The following ADGRG7 variants were observed in gnomAD, a reference collection of about 807,000 sequenced individuals.
ADGRG7 encodes adhesion G protein-coupled receptor G7.
In ADGRG7, 82 loss-of-function variants were observed where a neutral mutation model predicts 88.6. The observed-to-expected ratio is 0.93, with a 90% CI of 0.77 to 1.11. The LOEUF (loss-of-function observed/expected upper bound fraction) is 1.11, where lower values mean the gene tolerates loss of function less well. Ranked by LOEUF, ADGRG7 falls within the 50% of genes most tolerant of loss-of-function variation. The pLI is 0.00. For missense variants in ADGRG7, 945 were observed against 953.4 expected (o/e 0.99, Z 0.12); for synonymous variants, 381 against 345.2 (o/e 1.10, Z -1.15).
At chr3:100,670,857 C>T (rs1281934562) in intron 15 of ADGRG7, among the ~76,000 whole-genome samples, 1 of 152,110 alleles carries the variant, frequency 6.6e-6, no homozygotes, top group African/African-American at 2.4e-5. Flanking sequence ...TGATGGTTTC[C>T]AGTTTCATCC....
At chr3:100,688,458 G>A (rs2094987121) in intron 15 of ADGRG7, among the ~76,000 whole-genome samples, 1 of 151,944 alleles carries the variant, frequency 6.6e-6, no homozygotes, top group Non-Finnish European at 1.5e-5. Context: ...AGTTCTTTTA[G>A]TTGTGATGTT....
intron 1 of ADGRG7, among the ~76,000 whole-genome samples, chr3:100,615,650 G>A (rs1236471606): frequency 6.6e-6 from 1 of 152,206 alleles, no homozygotes; most frequent in Non-Finnish European, 1.5e-5. Context: ...AAGACAGAAG[G>A]AGTAGACATG....
intron 13 of ADGRG7, 146 bp downstream of exon 13, chr3:100,656,141 C>T (rs1339427467): frequency 2.0e-5 from 10 of 500,490 alleles, no homozygotes; most frequent in Admixed American, 6.0e-5. Context: ...TCAAAGAACA[C>T]GTTATATTTT....
At chr3:100,665,674 G>A (rs2094950870) in intron 14 of ADGRG7, among the ~76,000 whole-genome samples, 3 of 152,218 alleles carry the variant, frequency 2.0e-5, no homozygotes, top group East Asian at 1.9e-4. Flanking sequence ...CATAAGTGGT[G>A]AGAGTGGAAG....
chr3:100,634,430 A>T (rs1328657020), intron 4 of ADGRG7, among the ~76,000 whole-genome samples: 2 of 152,200 alleles, frequency 1.3e-5, no homozygotes, highest in East Asian at 3.8e-4. Context: ...ATCATATTTA[A>T]TTTTTATAAC....
intron 1 of ADGRG7, among the ~76,000 whole-genome samples, chr3:100,618,932 C>T (rs534176106): frequency 3.3e-5 from 5 of 152,210 alleles, no homozygotes; most frequent in African/African-American, 1.2e-4. Flanking sequence ...AGGTCCTTCA[C>T]GTCCTTTGTA....
chr3:100,635,624 T>A (rs1707525183), intron 4 of ADGRG7, 53 bp from the exon 5 acceptor site: 3 of 1,586,308 alleles, frequency 1.9e-6, no homozygotes, highest in Middle Eastern at 1.7e-4. Flanking sequence ...GCTTACAAAG[T>A]GTTTGGACAT....
chr3:100,659,694 G>T lies in ADGRG7; in HGVS notation c.1830G>T (p.Trp610Cys). 1.2e-6 allele frequency: 2 copies of T among 1,612,710 alleles called. No individual in the cohort carries two copies. The highest frequency in any genetic ancestry group is 1.1e-5 in the South Asian group (1 of 90,694). ...ELDYRQEKIC[W>C]LAIPEPNGVI... ...TTTTTTTTTTCCTCCACAGCTGCTG[G>T]CTGGCAATTCCAGAACCCAATGGTG... Residue 610 changes from tryptophan (W) to cysteine (C), a missense_variant, in exon 14 of 16, where the codon TGG becomes TGT. By Grantham distance (215) the Trp-to-Cys change is radical. Transcript: ENST00000273352.
Position 100,689,818 on chromosome 3 carries a change from C to T in ADGRG7, c.2137-4926C>T, listed in dbSNP as rs534856299. Among the ~76,000 whole-genome samples, 52 of 152,306 alleles carry T rather than the reference C, an allele frequency of 3.4e-4. No individual in the cohort carries two copies. In the South Asian group the frequency reaches 3.5e-3, roughly 10 times the overall value. On this transcript the variant is annotated intron_variant, in intron 15 of 15. Transcript: ENST00000273352. ...TGGCTGCCCTTAACATTTTTTCCTTCATTTCGACTTTGGTGAATTTGACCA... is the reference window on the plus strand; with the variant it reads ...TGGCTGCCCTTAACATTTTTTCCTTTATTTCGACTTTGGTGAATTTGACCA...
intron 15 of ADGRG7, among the ~76,000 whole-genome samples, chr3:100,689,261 C>A (rs560990661): frequency 6.6e-6 from 1 of 152,270 alleles, no homozygotes; most frequent in African/African-American, 2.4e-5. Flanking sequence ...TATTTTGAGC[C>A]TATGTGTGTC....
At chr3:100,655,787 TGAAAACAACATACATCCTGAA>T in intron 12 of ADGRG7, 91 bp from the exon 13 acceptor site, 1 of 680,284 alleles carries the variant, frequency 1.5e-6, no homozygotes, top group Non-Finnish European at 2.6e-6. Context: ...TTGTCCATAG[TGAAAACAACATACATCCTGAA>T]GAGGGTCAGA....
chr3:100,681,645 C>T (rs969590395), intron 15 of ADGRG7, among the ~76,000 whole-genome samples: 4 of 152,136 alleles, frequency 2.6e-5, no homozygotes, highest in Admixed American at 1.3e-4. Context: ...TTTCTCTTTA[C>T]ACTCCTCACT....
At chr3:100,685,094 C>T (rs571529273) in intron 15 of ADGRG7, among the ~76,000 whole-genome samples, 4 of 151,830 alleles carry the variant, frequency 2.6e-5, no homozygotes, top group African/African-American at 9.7e-5. Context: ...ATTGGAATGT[C>T]CTGTTATTTT....
intron 15 of ADGRG7, among the ~76,000 whole-genome samples, chr3:100,676,975 T>C (rs1333333911): frequency 6.6e-6 from 1 of 152,102 alleles, no homozygotes; most frequent in East Asian, 1.9e-4. Context: ...TTTCAGTCTG[T>C]GTGTCTTTAT....
intron 1 of ADGRG7, among the ~76,000 whole-genome samples, chr3:100,623,389 A>G (rs1707339815): frequency 6.6e-6 from 1 of 151,988 alleles, no homozygotes; most frequent in Non-Finnish European, 1.5e-5. Context: ...TATATGTTTT[A>G]TCTATTTCTA....
intron 4 of ADGRG7, among the ~76,000 whole-genome samples, chr3:100,635,135 G>C (rs1197360926): frequency 6.6e-6 from 1 of 152,076 alleles, no homozygotes; most frequent in Non-Finnish European, 1.5e-5. Context: ...CTGGCACCTA[G>C]AGAGGTCATC....
intron 1 of ADGRG7, among the ~76,000 whole-genome samples, chr3:100,621,050 C>T (rs1461293893): frequency 6.6e-6 from 1 of 151,744 alleles, no homozygotes; most frequent in African/African-American, 2.4e-5. Context: ...TTTTGGGTGC[C>T]GTGAACCACG....
At chr3:100,691,928 T>C (rs931549683) in intron 15 of ADGRG7, among the ~76,000 whole-genome samples, 2 of 152,222 alleles carry the variant, frequency 1.3e-5, no homozygotes, top group Non-Finnish European at 2.9e-5. Flanking sequence ...TCTTTCACAG[T>C]AGATAACATC....
chr3:100,676,520 T>C (rs2094965485), intron 15 of ADGRG7, among the ~76,000 whole-genome samples: 1 of 152,140 alleles, frequency 6.6e-6, no homozygotes, highest in Non-Finnish European at 1.5e-5. Flanking sequence ...TGTTTTAACA[T>C]ATGGTCTATA....
Sources: gnomAD v4.1 joint callset for allele counts (sites outside exome capture counted in the v4.1 genomes callset) on GRCh38, gnomAD v4.1.1 for gene constraint, MANE v1.5 for transcripts, NCBI Gene and HGNC (gene_info 2026-07-23, HGNC 2026-07-21) for gene names.